Variants in DNTT observed in about 807,000 individuals in gnomAD.
DNTT encodes nucleosidetriphosphate:DNA deoxynucleotidylexotransferase.
Under a neutral mutation model 60.9 loss-of-function variants are expected in DNTT, and 47 were observed. The ratio of observed to expected loss-of-function variants is 0.77; its 90% confidence interval spans 0.61 to 0.98. The LOEUF (loss-of-function observed/expected upper bound fraction) is 0.98. Ranked by LOEUF, DNTT falls within the 50% of genes least tolerant of loss-of-function variation. DNTT has a pLI of 0.00. For synonymous variants in DNTT, 224 were observed against 221.2 expected (o/e 1.01, Z -0.11); for missense variants, 665 against 627.5 (o/e 1.06, Z -0.64).
intron 1 of DNTT, among the ~76,000 whole-genome samples, chr10:96,316,020 A>G (rs1844781445): frequency 6.6e-6 from 1 of 152,076 alleles, no homozygotes. Flanking sequence ...ACCCCAGCCC[A>G]CACCTCTCTC....
intron 5 of DNTT, 23 bp downstream of exon 5, chr10:96,322,751 A>T (rs1208926936): frequency 6.4e-7 from 1 of 1,562,394 alleles, no homozygotes; most frequent in Non-Finnish European, 8.7e-7. Context: ...ACATATATTT[A>T]TTGAAAATTG....
chr10:96,334,928 CA>C (rs1413943371), intron 9 of DNTT, among the ~76,000 whole-genome samples: 3 of 152,200 alleles, frequency 2.0e-5, no homozygotes, highest in Admixed American at 1.3e-4. Context: ...TCAGAGTACT[CA>C]GAAATTGTTG....
intron 1 of DNTT, among the ~76,000 whole-genome samples, chr10:96,315,394 G>A (rs979543458): frequency 1.2e-4 from 18 of 152,120 alleles, no homozygotes; most frequent in African/African-American, 4.3e-4. Flanking sequence ...GGTTTTGTTT[G>A]ACTTTTTGGT....
At position 96,337,560 on chromosome 10, in the gene DNTT, T is replaced by A. The variant is rs578067622; in HGVS notation, c.1444-578T>A. On this transcript the variant is annotated intron_variant, in intron 10 of 10. Transcript: ENST00000371174. ...AAATAGTTCAATGTAAGCAAGTACC[T>A]TCTATGTGCCTAGCACCGTGCTATG... Among the ~76,000 whole-genome samples, 30 of 152,340 alleles carry A rather than the reference T, an allele frequency of 2.0e-4. No individual in the cohort carries two copies. In the South Asian group the frequency reaches 6.2e-3, roughly 32 times the overall value.
Position 96,327,681 on chromosome 10 carries a change from C to A in DNTT, c.1007+81C>A. ...ACTTGGACAGGCATCTGAAACGGCA[C>A]AAAAGGCTGTGATCTGGTGCCAGCT... On this transcript the variant is annotated intron_variant, in intron 7 of 10. Coordinates refer to ENST00000371174, the MANE Select transcript of DNTT (RefSeq NM_004088.4). 5 of 1,535,600 alleles carry A rather than the reference C, an allele frequency of 3.3e-6. No homozygotes were observed. In the South Asian group the frequency reaches 6.5e-5, roughly 20 times the overall value.
At chr10:96,317,533 A>G (rs1844800942) in intron 1 of DNTT, among the ~76,000 whole-genome samples, 1 of 152,192 alleles carries the variant, frequency 6.6e-6, no homozygotes, top group African/African-American at 2.4e-5. Flanking sequence ...TATTTGTGTC[A>G]CCCCAAAATT....
rs138251184 is a variant in DNTT, at chr10:96,316,843, T to C, written c.204-1509T>C. ...ATCTGTTTCATGTAACATACTAGTG[T>C]CTAGTAACTTCCTTTTTCTTCTTTG... is the stretch of plus-strand genomic sequence containing the variant. On this transcript the variant is annotated intron_variant, in intron 1 of 10. Transcript: ENST00000371174. 8.2e-4 allele frequency among the ~76,000 whole-genome samples: 125 copies of C among 152,320 alleles called. 2 individuals are homozygous for C. The East Asian group carries it at 0.012, about 15-fold the overall frequency.
intron 1 of DNTT, among the ~76,000 whole-genome samples, chr10:96,310,897 TA>T (rs1308851393): frequency 1.3e-5 from 2 of 152,260 alleles, no homozygotes; most frequent in African/African-American, 4.8e-5. Flanking sequence ...ATAAATATTT[TA>T]TTTTTATAAA....
At chr10:96,305,765 A>G (rs12779164) in intron 1 of DNTT, among the ~76,000 whole-genome samples, 15,728 of 152,250 alleles carry the variant, frequency 0.1, 877 homozygotes, top group South Asian at 0.15. Flanking sequence ...TCAAAAGTCA[A>G]TTTTCAGATA....
intron 4 of DNTT, 35 bp downstream of exon 4, chr10:96,320,823 T>C (rs371782121): frequency 1.4e-5 from 23 of 1,609,908 alleles, no homozygotes; most frequent in Middle Eastern, 1.6e-4. Flanking sequence ...CACTTCCCAA[T>C]AGGTAGGTGG....
At chr10:96,337,715 G>A (rs886871299) in intron 10 of DNTT, among the ~76,000 whole-genome samples, 2 of 152,144 alleles carry the variant, frequency 1.3e-5, no homozygotes, top group Admixed American at 1.3e-4. Flanking sequence ...ATAATTACCA[G>A]CAGTACAAAA....
At chr10:96,333,041 T>C (rs753076370) in intron 9 of DNTT, among the ~76,000 whole-genome samples, 3 of 152,038 alleles carry the variant, frequency 2.0e-5, no homozygotes, top group Non-Finnish European at 2.9e-5. Flanking sequence ...AACTCACAGA[T>C]TGGGAAAAAA....
chr10:96,319,469 A>C, intron 3 of DNTT, 79 bp downstream of exon 3: 1 of 1,582,808 alleles, frequency 6.3e-7, no homozygotes, highest in Non-Finnish European at 8.6e-7. Context: ...TTAAATTATA[A>C]ATTTTTCTGA....
At chr10:96,321,784 G>C (rs1260825327) in intron 4 of DNTT, among the ~76,000 whole-genome samples, 1 of 152,056 alleles carries the variant, frequency 6.6e-6, no homozygotes, top group East Asian at 1.9e-4. Context: ...GTTTGGAGGG[G>C]GGAGCCCTCT....
In DNTT at chr10:96,319,265, A is replaced by G; in HGVS notation, c.382A>G (p.Arg128Gly). The stretch of plus-strand genomic sequence containing the variant: ...GGATGCTTATGCATTTGTTTAGGTG[A>G]GAAGAGACTATTCAGATAGCACCAA... The part of the protein sequence containing the change: ...EMTGKHQLVV[R>G]RDYSDSTNPG... The change falls in exon 3 of 11, where the codon AGA becomes GGA. Residue 128 changes from arginine to glycine, a missense_variant. Transcript: ENST00000371174. 6.2e-7 allele frequency: 1 copy of G among 1,613,404 alleles called. No individual in the cohort carries two copies. Among genetic ancestry groups the G allele is most frequent in the Admixed American group, 1.7e-5 (1 of 59,994 alleles).
intron 1 of DNTT, among the ~76,000 whole-genome samples, chr10:96,307,782 T>A (rs1167985232): frequency 6.9e-6 from 1 of 143,902 alleles, no homozygotes; most frequent in African/African-American, 2.5e-5. Context: ...TATATATTTT[T>A]TTTTTTTGAG....
At chr10:96,304,724 T>C in intron 1 of DNTT, 24 bp downstream of exon 1, 1 of 1,608,240 alleles carries the variant, frequency 6.2e-7, no homozygotes, top group Non-Finnish European at 8.5e-7. Flanking sequence ...GATCTTGCTT[T>C]GTAAATAAGC....
intron 1 of DNTT, among the ~76,000 whole-genome samples, chr10:96,308,277 G>C (rs1844667892): frequency 6.6e-6 from 1 of 152,118 alleles, no homozygotes; most frequent in African/African-American, 2.4e-5. Context: ...AACATAATTG[G>C]GTGGAGCTTT....
At chr10:96,330,435 G>C (rs991678963) in intron 8 of DNTT, among the ~76,000 whole-genome samples, 12 of 151,522 alleles carry the variant, frequency 7.9e-5, no homozygotes, top group African/African-American at 2.9e-4. Context: ...TACACAAAAG[G>C]CTGCTATTCT....
Sources: gnomAD v4.1 joint callset for allele counts (sites outside exome capture counted in the v4.1 genomes callset) on GRCh38, gnomAD v4.1.1 for gene constraint, MANE v1.5 for transcripts, NCBI Gene and HGNC (gene_info 2026-07-23, HGNC 2026-07-21) for gene names.